Variants in ERC1 observed in about 807,000 individuals in gnomAD.
ERC1 encodes the protein ELKS/RAB6-interacting/CAST family member 1, also known as RAB6 interacting protein 2.
A neutral mutation model predicts 132.0 loss-of-function variants in ERC1; 56 were observed. That is an observed-to-expected ratio of 0.42 (90% CI 0.34 to 0.53). The LOEUF (loss-of-function observed/expected upper bound fraction) is 0.53. Among genes scored for constraint, ERC1 ranks in the 20% least tolerant of loss-of-function variants. The probability of loss-of-function intolerance (pLI) is 0.03; values close to 1 mark genes in which losing one functional copy is unlikely to be tolerated. For synonymous variants in ERC1, 478 were observed against 476.1 expected, an observed-to-expected ratio of 1.00 and a Z score of -0.05; for missense variants, 1,202 against 1,349.9, an observed-to-expected ratio of 0.89 and a Z score of 1.72.
At chr12:1,310,531 G>A (rs148305605) in intron 15 of ERC1, among the ~76,000 whole-genome samples, 1 of 152,282 alleles carries the variant, frequency 6.6e-6, no homozygotes, top group East Asian at 1.9e-4. Context: ...TTCTTGATCA[G>A]TAATTACTGC....
Position 1,298,009 on chromosome 12 carries a change from T to G in ERC1, c.2780+7997T>G, listed in dbSNP as rs117860206. ...TGGGAAGCTGAGACTGGAGGATCAC[T>G]TGAGCCCAGGATTTTGAGTTTACAC... On this transcript the variant is annotated intron_variant, in intron 15 of 18. Coordinates refer to ENST00000360905, the MANE Select transcript of ERC1 (RefSeq NM_178040.4). Among the ~76,000 whole-genome samples, 1,220 of 152,270 alleles carry G rather than the reference T, an allele frequency of 8.0e-3. 14 individuals are homozygous for G. Among genetic ancestry groups the G allele is most frequent in the Non-Finnish European group, 0.011 (748 of 68,004 alleles).
intron 2 of ERC1, among the ~76,000 whole-genome samples, chr12:1,041,390 A>G (rs988986579): frequency 1.3e-5 from 2 of 152,080 alleles, no homozygotes; most frequent in Non-Finnish European, 2.9e-5. Flanking sequence ...TATTTTTAGT[A>G]GAGACAGGGT....
In ERC1 at chr12:1,243,844, T is replaced by C. The variant is rs138917986; in HGVS notation, c.2487+6940T>C. On this transcript the variant is annotated intron_variant, in intron 13 of 18. Coordinates refer to ENST00000360905, the MANE Select transcript of ERC1 (RefSeq NM_178040.4). Reference sequence around the variant, plus strand: ...AAACCACGTTTAGAAACACTTTGAATGCCAGTTCTTTATCCGAAGTGTTAC... The same window carrying C: ...AAACCACGTTTAGAAACACTTTGAACGCCAGTTCTTTATCCGAAGTGTTAC... Among the ~76,000 whole-genome samples, 250 of 152,324 alleles carry C rather than the reference T, an allele frequency of 1.6e-3. 1 individual carries two copies. The highest frequency in any genetic ancestry group is 6.8e-3 in the Middle Eastern group (2 of 294).
At chr12:1,450,248 C>T (rs2093396369) in intron 18 of ERC1, among the ~76,000 whole-genome samples, 2 of 152,144 alleles carry the variant, frequency 1.3e-5, no homozygotes, top group Non-Finnish European at 2.9e-5. Context: ...ATAACGTAAA[C>T]TATCACCACC....
chr12:1,136,188 C>T (rs1045129509), intron 7 of ERC1, among the ~76,000 whole-genome samples: 1 of 152,164 alleles, frequency 6.6e-6, no homozygotes, highest in African/African-American at 2.4e-5. Flanking sequence ...GTGGCTAAGG[C>T]CTTGTCTTCT....
intron 12 of ERC1, among the ~76,000 whole-genome samples, chr12:1,225,539 G>GT (rs781433141): frequency 4.1e-4 from 62 of 151,294 alleles, no homozygotes; most frequent in Non-Finnish European, 6.3e-4. Context: ...TTCTTGAATT[G>GT]TTTTTTCTGA....
intron 17 of ERC1, among the ~76,000 whole-genome samples, chr12:1,428,659 A>G (rs2092708233): frequency 6.6e-6 from 1 of 152,144 alleles, no homozygotes; most frequent in African/African-American, 2.4e-5. Context: ...CTCACATTTT[A>G]TCTGAAATAT....
intron 15 of ERC1, among the ~76,000 whole-genome samples, chr12:1,313,048 C>T (rs1415086583): frequency 2.6e-5 from 4 of 152,178 alleles, no homozygotes; most frequent in East Asian, 3.9e-4. Context: ...AGGGTTTATT[C>T]TATTAATAGG....
chr12:1,438,318 T>G (rs1010344946), intron 17 of ERC1, among the ~76,000 whole-genome samples: 1 of 152,232 alleles, frequency 6.6e-6, no homozygotes, highest in African/African-American at 2.4e-5. Context: ...AGTTTAGCTC[T>G]CCGCTGGGGC....
In ERC1 at chr12:1,290,155, A is replaced by C. The variant is rs560734032; in HGVS notation, c.2780+143A>C. On this transcript the variant is annotated intron_variant, in intron 15 of 18. Transcript: ENST00000360905. ...CTTGTATTTCTCACTCTCTAGAATA[A>C]ATTTGGTCAAAGGTGGAACAAATCC... is the stretch of plus-strand genomic sequence containing the variant. The C allele has an allele frequency of 7.1e-6, 5 of 700,246 alleles. No individual in the cohort carries two copies. The African/African-American group carries it at 7.2e-5, about 10-fold the overall frequency. The allele number at this position is 700,246 out of a possible 1,614,324, so 43.4% of individuals were successfully genotyped here.
chr12:1,151,193 T>A (rs1400695939), intron 8 of ERC1, among the ~76,000 whole-genome samples: 1 of 152,166 alleles, frequency 6.6e-6, no homozygotes, highest in Admixed American at 6.5e-5. Context: ...AGCTCAAAAA[T>A]AAAAAATTTG....
Position 1,289,916 on chromosome 12 carries a change from T to C in ERC1, c.2684T>C (p.Leu895Pro), listed in dbSNP as rs772671575. The change falls in exon 15 of 19, where the codon CTG becomes CCG. Residue 895 changes from leucine to proline, a missense_variant. Coordinates refer to ENST00000360905, the MANE Select transcript of ERC1 (RefSeq NM_178040.4). ...GAACTAGAATCCATGAAAGCAAAGC[T>C]GTCCTCCACCCAGCAGTCTCTGGCA... ...KQELESMKAK[L>P]SSTQQSLAEK... 1 of 1,614,016 alleles carries C rather than the reference T, an allele frequency of 6.2e-7. No individual in the cohort carries two copies. Among genetic ancestry groups the C allele is most frequent in the Non-Finnish European group, 8.5e-7 (1 of 1,179,866 alleles).
intron 1 of ERC1, among the ~76,000 whole-genome samples, chr12:1,006,898 T>G (rs1963716974): frequency 6.6e-6 from 1 of 151,248 alleles, no homozygotes; most frequent in Admixed American, 6.6e-5. Context: ...TTTTTCTCGT[T>G]CCTCATTCAA....
intron 1 of ERC1, among the ~76,000 whole-genome samples, chr12:1,012,471 CTTTTTTTTTT>C (rs58882619): frequency 1.2e-5 from 1 of 85,484 alleles, no homozygotes; most frequent in Non-Finnish European, 2.4e-5. Flanking sequence ...GATATTTAAT[CTTTTTTTTTT>C]TTTTTTTTTT....
intron 18 of ERC1, among the ~76,000 whole-genome samples, chr12:1,470,444 T>C (rs1183871797): frequency 4.0e-5 from 6 of 151,788 alleles, no homozygotes; most frequent in African/African-American, 1.2e-4. Flanking sequence ...GTTTGGGGTT[T>C]TTTTTGTTTT....
At chr12:1,381,051 A>G (rs1235920390) in intron 16 of ERC1, 1 of 152,218 alleles carries the variant, frequency 6.6e-6, no homozygotes, top group Non-Finnish European at 1.5e-5. Context: ...TGTCATCTAT[A>G]ATGCCAGGTG....
chr12:1,471,215 A>C (rs1035873314), intron 18 of ERC1, among the ~76,000 whole-genome samples: 2 of 152,204 alleles, frequency 1.3e-5, no homozygotes, highest in Admixed American at 6.5e-5. Context: ...GTTTAAGGCC[A>C]AGAGTTCAAG....
intron 18 of ERC1, among the ~76,000 whole-genome samples, chr12:1,448,669 ACTGCCACCATG>A (rs1355628424): frequency 6.6e-6 from 1 of 152,208 alleles, no homozygotes; most frequent in African/African-American, 2.4e-5. Context: ...AATGCATTTC[ACTGCCACCATG>A]CTGCCACCAA....
At chr12:1,214,713 G>A (rs1250839310) in intron 12 of ERC1, among the ~76,000 whole-genome samples, 1 of 151,162 alleles carries the variant, frequency 6.6e-6, no homozygotes, top group Admixed American at 6.6e-5. Flanking sequence ...TATGTTTGGG[G>A]TGAGGAGAAA....
Sources: allele counts gnomAD v4.1 joint callset (sites outside exome capture counted in the v4.1 genomes callset), GRCh38; gene constraint gnomAD v4.1.1; transcripts MANE v1.5; gene names NCBI Gene and HGNC (gene_info 2026-07-23, HGNC 2026-07-21).